The following SHROOM3 variants were observed in gnomAD, a reference collection of about 807,000 sequenced individuals.
SHROOM3 encodes the protein protein Shroom3.
A neutral mutation model predicts 138.6 loss-of-function variants in SHROOM3; 47 were observed. That is an observed-to-expected ratio of 0.34 (90% CI 0.27 to 0.43). The LOEUF (loss-of-function observed/expected upper bound fraction) is 0.43, where lower values mean the gene tolerates loss of function less well. Ranked by LOEUF, SHROOM3 falls within the 20% of genes least tolerant of loss-of-function variation. The probability of loss-of-function intolerance (pLI) is 1.00; values close to 1 mark genes in which losing one functional copy is unlikely to be tolerated. For missense variants in SHROOM3, 2,491 were observed against 2,596.5 expected, an observed-to-expected ratio of 0.96 and a Z score of 0.88; for synonymous variants, 1,062 against 1,063.3, an observed-to-expected ratio of 1.00 and a Z score of 0.02.
chr4:76,610,532 A>C (rs1160539218), intron 2 of SHROOM3, among the ~76,000 whole-genome samples: 2 of 152,186 alleles, frequency 1.3e-5, no homozygotes, highest in African/African-American at 4.8e-5. Context: ...AAATAACTGC[A>C]TCCCCTCGTC....
chr4:76,640,440 G>C lies in SHROOM3; in HGVS notation c.324-69716G>C, dbSNP rs577305707. 6.6e-5 allele frequency among the ~76,000 whole-genome samples: 10 copies of C among 152,282 alleles called. No individual in the cohort carries two copies. The East Asian group carries it at 1.9e-3, about 29-fold the overall frequency. On this transcript the variant is annotated intron_variant, in intron 2 of 10. Coordinates refer to ENST00000296043, the MANE Select transcript of SHROOM3 (RefSeq NM_020859.4). The stretch of plus-strand genomic sequence containing the variant: ...TTTGATTAGCAGCCAGCCACAGCCA[G>C]GTGCCAAATCCATTCTAAATATGGG...
At chr4:76,777,178 T>A (rs944956956) in intron 10 of SHROOM3, among the ~76,000 whole-genome samples, 3 of 152,214 alleles carry the variant, frequency 2.0e-5, no homozygotes, top group African/African-American at 7.2e-5. Flanking sequence ...ATTTGTAGAC[T>A]GCTTTTGACA....
intron 2 of SHROOM3, among the ~76,000 whole-genome samples, chr4:76,642,966 G>A (rs769114423): frequency 2.6e-5 from 4 of 152,122 alleles, no homozygotes; most frequent in Non-Finnish European, 4.4e-5. Flanking sequence ...CAGCACTTTG[G>A]GAGGCCGAGG....
chr4:76,683,789 G>T (rs991384569), intron 2 of SHROOM3, among the ~76,000 whole-genome samples: 4 of 152,268 alleles, frequency 2.6e-5, no homozygotes, highest in African/African-American at 9.6e-5. Flanking sequence ...GCTTTTTAAA[G>T]TTATTAAAAT....
chr4:76,766,516 T>C (rs888548234), intron 9 of SHROOM3, among the ~76,000 whole-genome samples: 5 of 152,166 alleles, frequency 3.3e-5, no homozygotes, highest in Admixed American at 2.6e-4. Context: ...GAGCTAACAG[T>C]TTATGCCAGA....
intron 3 of SHROOM3, among the ~76,000 whole-genome samples, chr4:76,726,752 C>T (rs1009597142): frequency 2.6e-5 from 4 of 152,014 alleles, no homozygotes; most frequent in Admixed American, 2.0e-4. Flanking sequence ...TCCCAAGTAA[C>T]TCAGCTTATA....
intron 2 of SHROOM3, chr4:76,688,477 A>T: frequency 1.0e-6 from 1 of 985,342 alleles, no homozygotes; most frequent in Non-Finnish European, 1.2e-6. Flanking sequence ...TAGAACCTGG[A>T]CATTTAACAA....
rs1722704001 is a variant in SHROOM3 at position 76,780,455 on chromosome 4, G to A, written c.*1278G>A. ...GTTTTTTCACGTTTGATCTGTGGCT[G>A]GTGGCCACCTTTGTTGATTTGGGCT... On this transcript the variant is annotated 3_prime_UTR_variant, in exon 11 of 11. Transcript: ENST00000296043. 1 of 151,834 alleles carries A rather than the reference G, an allele frequency of 6.6e-6. No individual in the cohort carries two copies. Among genetic ancestry groups the A allele is most frequent in the Non-Finnish European group, 1.5e-5 (1 of 68,008 alleles). 9.4% of individuals were successfully genotyped at this position (151,834 alleles called of 1,614,324 possible). A position where few individuals can be genotyped will look rare whatever the true frequency, so the allele number is the denominator to read the frequency against.
intron 10 of SHROOM3, among the ~76,000 whole-genome samples, chr4:76,778,315 G>C (rs923354085): frequency 6.6e-6 from 1 of 151,224 alleles, no homozygotes; most frequent in Non-Finnish European, 1.5e-5. Context: ...TCTGCCTCCT[G>C]GGTTCAAGCA....
At chr4:76,490,855 G>A (rs1213441241) in intron 1 of SHROOM3, among the ~76,000 whole-genome samples, 1 of 150,690 alleles carries the variant, frequency 6.6e-6, no homozygotes, top group Non-Finnish European at 1.5e-5. Flanking sequence ...ATTTTATGTG[G>A]GAAAGAACTG....
chr4:76,759,824 C>A, intron 9 of SHROOM3, 129 bp downstream of exon 9: 2 of 1,076,946 alleles, frequency 1.9e-6, no homozygotes, highest in Non-Finnish European at 2.8e-6. Flanking sequence ...CAGATTGCAC[C>A]AAAATCATTA....
intron 1 of SHROOM3, among the ~76,000 whole-genome samples, chr4:76,490,662 A>G (rs1371181955): frequency 1.3e-5 from 2 of 152,222 alleles, no homozygotes; most frequent in African/African-American, 2.4e-5. Flanking sequence ...TCCAGACCCT[A>G]TTCTCCTGCC....
intron 1 of SHROOM3, among the ~76,000 whole-genome samples, chr4:76,455,853 C>A (rs566833845): frequency 1.3e-5 from 2 of 152,132 alleles, no homozygotes; most frequent in South Asian, 4.2e-4. Flanking sequence ...AAACGTGCAT[C>A]CCCAGCAACT....
At chr4:76,757,011 C>T in intron 8 of SHROOM3, 74 bp downstream of exon 8, 1 of 1,608,690 alleles carries the variant, frequency 6.2e-7, no homozygotes, top group Non-Finnish European at 8.5e-7. Context: ...AAGTCTAGGA[C>T]TAGTTGCCTG....
chr4:76,754,782 G>A lies in SHROOM3; in HGVS notation c.4299G>A (p.Trp1433Ter). 1 of 1,614,146 alleles carries A rather than the reference G, an allele frequency of 6.2e-7. No homozygotes were observed. Among genetic ancestry groups the A allele is most frequent in the Non-Finnish European group, 8.5e-7 (1 of 1,180,022 alleles). ...PQWPPPSRAK[W>*]AHAAREDSLP... ...GGCCACCTCCTTCTCGAGCAAAGTGGGCCCACGCAGCCAGAGAGGACAGCC... is the reference window on the plus strand; with the variant it reads ...GGCCACCTCCTTCTCGAGCAAAGTGAGCCCACGCAGCCAGAGAGGACAGCC... The change falls in exon 7 of 11, where the codon TGG becomes TGA. Residue 1433 changes from tryptophan to a stop codon, truncating the protein, a stop_gained. Transcript: ENST00000296043. LOFTEE classifies it high-confidence loss of function.
Position 76,646,225 on chromosome 4 carries a change from A to AATAAATAAAT in SHROOM3, c.324-63928_324-63927insAATAAATATA, listed in dbSNP as rs61374645. On this transcript the variant is annotated intron_variant, in intron 2 of 10. Transcript: ENST00000296043. ...CCTAGAACTTAAAGTATAATAAATA[A>AATAAATAAAT]ATATATATATATATATATATATAAA... 4.6e-3 allele frequency among the ~76,000 whole-genome samples: 442 copies of AATAAATAAAT among 96,244 alleles called. 18 individuals carry two copies. The highest frequency in any genetic ancestry group is 0.015 in the African/African-American group (335 of 22,714). 63.1% of individuals were successfully genotyped at this position (96,244 alleles called of 152,430 possible).
chr4:76,668,376 A>C (rs1306680106), intron 2 of SHROOM3, among the ~76,000 whole-genome samples: 3 of 151,994 alleles, frequency 2.0e-5, no homozygotes, highest in African/African-American at 4.8e-5. Flanking sequence ...GACTGGCCAA[A>C]ATGGTGAAAC....
chr4:76,456,934 C>G (rs977083154), intron 1 of SHROOM3, among the ~76,000 whole-genome samples: 4 of 152,126 alleles, frequency 2.6e-5, no homozygotes, highest in Non-Finnish European at 5.9e-5. Flanking sequence ...GGGAGAATTA[C>G]AAAGAACCTT....
chr4:76,611,997 G>A (rs1018317805), intron 2 of SHROOM3, among the ~76,000 whole-genome samples: 3 of 152,130 alleles, frequency 2.0e-5, no homozygotes, highest in African/African-American at 7.2e-5. Context: ...TTTTCTCCAA[G>A]GAAAAACTTG....
Sources: allele counts gnomAD v4.1 joint callset (sites outside exome capture counted in the v4.1 genomes callset), GRCh38; gene constraint gnomAD v4.1.1; transcripts MANE v1.5; gene names NCBI Gene and HGNC (gene_info 2026-07-23, HGNC 2026-07-21).